SYN3: variants seen among roughly 807,000 people sequenced by gnomAD.
SYN3 encodes the protein synapsin-3.
SYN3 carries 35 observed loss-of-function variants against 65.8 expected under a neutral mutation model. The ratio of observed to expected loss-of-function variants is 0.53; its 90% confidence interval spans 0.41 to 0.70. SYN3 has a LOEUF of 0.70. Ranked by LOEUF, SYN3 falls within the 30% of genes least tolerant of loss-of-function variation. SYN3 has a pLI of 0.00. For synonymous variants in SYN3, 270 were observed against 292.9 expected (o/e 0.92, Z 0.80); for missense variants, 680 against 749.0 (o/e 0.91, Z 1.08).
At chr22:32,980,917 T>C (rs2052353403) in intron 2 of SYN3, among the ~76,000 whole-genome samples, 2 of 151,796 alleles carry the variant, frequency 1.3e-5, no homozygotes, top group African/African-American at 4.8e-5. Context: ...TGCAATGGCC[T>C]AGTCTCGGCT....
At chr22:32,755,375 G>C (rs1302097774) in intron 6 of SYN3, among the ~76,000 whole-genome samples, 1 of 152,188 alleles carries the variant, frequency 6.6e-6, no homozygotes, top group African/African-American at 2.4e-5. Flanking sequence ...GCAATCTTGA[G>C]AGCCCTTGAA....
At chr22:32,871,150 T>G (rs926027323) in intron 4 of SYN3, among the ~76,000 whole-genome samples, 2 of 152,262 alleles carry the variant, frequency 1.3e-5, no homozygotes, top group Non-Finnish European at 2.9e-5. Flanking sequence ...AAAGGTCTCC[T>G]GCTGGCCAGC....
chr22:32,558,123 A>C (rs1015308498), intron 7 of SYN3, among the ~76,000 whole-genome samples: 4 of 152,206 alleles, frequency 2.6e-5, no homozygotes, highest in Admixed American at 1.3e-4. Flanking sequence ...GTAGGTGCTT[A>C]ATAAATAGCT....
Position 32,757,058 on chromosome 22 carries a change from G to GGC in SYN3, c.711+107856_711+107857insGC, listed in dbSNP as rs1569200055. ...TGACACAGTGGTTGCACTTTTTTTT[G>GGC]AGGGGGGGTGGTTTGGAGGAAAAGC... On this transcript the variant is annotated intron_variant, in intron 6 of 13. Coordinates refer to ENST00000358763, the MANE Select transcript of SYN3 (RefSeq NM_003490.4). 5.2e-3 allele frequency among the ~76,000 whole-genome samples: 26 copies of GGC among 4,954 alleles called. 1 individual carries two copies. In the African/African-American group the frequency reaches 0.096, roughly 18 times the overall value. The allele number at this position is 4,954 out of a possible 152,430, so 3.3% of individuals were successfully genotyped here.
rs372334843 is a variant in SYN3 at position 32,819,745 on chromosome 22, CAGA to C, written c.711+45167_711+45169del. ...CTTTTGTTTTCGAAAGTTCAAAAAA[CAGA>C]AGAGGAGGATTCTGAAACAGCAAAC... On this transcript the variant is annotated intron_variant, in intron 6 of 13. Coordinates refer to ENST00000358763, the MANE Select transcript of SYN3 (RefSeq NM_003490.4). 1.2e-4 allele frequency among the ~76,000 whole-genome samples: 19 copies of C among 152,292 alleles called. No individual in the cohort carries two copies. The East Asian group carries it at 3.5e-3, about 28-fold the overall frequency.
At chr22:32,919,798 T>G (rs2146629660) in intron 4 of SYN3, among the ~76,000 whole-genome samples, 1 of 152,340 alleles carries the variant, frequency 6.6e-6, no homozygotes, top group South Asian at 2.1e-4. Context: ...TCATTGTGGC[T>G]CAGGGGCTGA....
intron 6 of SYN3, among the ~76,000 whole-genome samples, chr22:32,710,099 A>ATG (rs1555931599): frequency 1.0e-3 from 68 of 65,632 alleles, no homozygotes; most frequent in African/African-American, 4.7e-3. Flanking sequence ...ACACACACAC[A>ATG]TGTGTGTGTG....
chr22:32,991,880 G>A (rs1388213851), intron 2 of SYN3, among the ~76,000 whole-genome samples: 3 of 152,190 alleles, frequency 2.0e-5, no homozygotes, highest in Non-Finnish European at 4.4e-5. Flanking sequence ...TCCTGTCGAA[G>A]ATGCACGTCC....
At chr22:32,630,447 C>T (rs2059732197) in intron 6 of SYN3, among the ~76,000 whole-genome samples, 1 of 152,136 alleles carries the variant, frequency 6.6e-6, no homozygotes, top group African/African-American at 2.4e-5. Context: ...TAAATAAATT[C>T]ATGATGAGCA....
chr22:32,712,611 T>C (rs1302361150), intron 6 of SYN3, among the ~76,000 whole-genome samples: 1 of 152,288 alleles, frequency 6.6e-6, no homozygotes, highest in East Asian at 1.9e-4. Flanking sequence ...CCAGAAACTC[T>C]GTTGTGGCAT....
Position 33,021,460 on chromosome 22 carries a change from C to T in SYN3, c.-162-14636G>A, listed in dbSNP as rs1298218633. On this transcript the variant is annotated intron_variant, in intron 1 of 13. Transcript: ENST00000358763. ...ATCTTGATGACGTAGTGTTTCACAG[C>T]CTAACACCTGGCTCTCCTACAATGG... 2.0e-5 allele frequency among the ~76,000 whole-genome samples: 3 copies of T among 152,184 alleles called. No individual in the cohort carries two copies. In the East Asian group the frequency reaches 5.8e-4, roughly 29 times the overall value.
chr22:32,829,567 C>T (rs573632505), intron 6 of SYN3, among the ~76,000 whole-genome samples: 13 of 152,368 alleles, frequency 8.5e-5, no homozygotes, highest in South Asian at 2.1e-4. Context: ...TCGTGAAAAA[C>T]GGCCCGGATT....
chr22:32,531,068 C>T (rs528391783), intron 10 of SYN3, among the ~76,000 whole-genome samples: 7 of 149,670 alleles, frequency 4.7e-5, no homozygotes, highest in African/African-American at 1.0e-4. Context: ...GTTTCCCTCC[C>T]GCCTGGGTTT....
intron 3 of SYN3, among the ~76,000 whole-genome samples, chr22:32,951,194 C>A (rs2051279338): frequency 6.6e-6 from 1 of 152,156 alleles, no homozygotes. Flanking sequence ...CTCCCCCCAT[C>A]CCCCTAGTTC....
chr22:32,866,346 A>T (rs1415307771), intron 5 of SYN3, among the ~76,000 whole-genome samples: 2 of 152,184 alleles, frequency 1.3e-5, no homozygotes, highest in Non-Finnish European at 2.9e-5. Flanking sequence ...CACAACAGGG[A>T]GTCAACTTCG....
At chr22:32,682,058 C>T (rs79435871) in intron 6 of SYN3, among the ~76,000 whole-genome samples, 976 of 80,002 alleles carry the variant, frequency 0.012, 1 homozygote, top group Middle Eastern at 0.027. Context: ...GGAGAGGGCA[C>T]GGGAGATGAG....
chr22:32,851,137 A>G (rs1601538948), intron 6 of SYN3, among the ~76,000 whole-genome samples: 4 of 152,306 alleles, frequency 2.6e-5, no homozygotes, highest in Middle Eastern at 3.4e-3. Context: ...CAAGAGCAAC[A>G]ACAACGCAAA....
chr22:32,517,587 A>C (rs1426973617), intron 13 of SYN3, among the ~76,000 whole-genome samples: 2 of 152,212 alleles, frequency 1.3e-5, no homozygotes, highest in African/African-American at 4.8e-5. Context: ...TGTTTGGGGC[A>C]TAATTATACT....
intron 6 of SYN3, among the ~76,000 whole-genome samples, chr22:32,670,019 A>T (rs1394256895): frequency 6.6e-6 from 1 of 152,234 alleles, no homozygotes; most frequent in South Asian, 2.1e-4. Flanking sequence ...CAGTGTCATT[A>T]TACTAGCCCC....
Sources: allele counts gnomAD v4.1 joint callset (sites outside exome capture counted in the v4.1 genomes callset), GRCh38; gene constraint gnomAD v4.1.1; transcripts MANE v1.5; gene names NCBI Gene and HGNC (gene_info 2026-07-23, HGNC 2026-07-21).